LIMA1: variants seen among roughly 807,000 people sequenced by gnomAD.
The protein encoded by LIMA1 is LIM domain and actin binding 1.
Under a neutral mutation model 62.6 loss-of-function variants are expected in LIMA1, and 52 were observed. That is an observed-to-expected ratio of 0.83 (90% CI 0.67 to 1.05). The LOEUF is 1.05. LIMA1 is among the 50% of genes least tolerant of loss of function. LIMA1 has a pLI of 0.00. For synonymous variants in LIMA1, 302 were observed against 317.8 expected (o/e 0.95, Z 0.53); for missense variants, 780 against 902.2 (o/e 0.86, Z 1.74).
intron 4 of LIMA1, among the ~76,000 whole-genome samples, chr12:50,209,441 C>T (rs897335554): frequency 6.6e-6 from 1 of 151,558 alleles, no homozygotes; most frequent in African/African-American, 2.4e-5. Flanking sequence ...TGGCGGTGCG[C>T]ACCTGTAATC....
At chr12:50,260,233 C>T (rs548547107) in intron 1 of LIMA1, among the ~76,000 whole-genome samples, 89 of 151,946 alleles carry the variant, frequency 5.9e-4, no homozygotes, top group African/African-American at 1.5e-3. Context: ...CTGCAACTTC[C>T]GCCTCCTGGG....
intron 9 of LIMA1, chr12:50,188,377 C>T (rs182784830): frequency 1.3e-5 from 2 of 152,240 alleles, no homozygotes; most frequent in African/African-American, 4.8e-5. Context: ...TGTATATTTG[C>T]CTGCAGACTG....
At chr12:50,239,681 T>C (rs1353843764) in intron 2 of LIMA1, among the ~76,000 whole-genome samples, 2 of 151,128 alleles carry the variant, frequency 1.3e-5, no homozygotes, top group Non-Finnish European at 2.9e-5. Context: ...CCCATACATA[T>C]GTAAAATTAT....
intron 1 of LIMA1, among the ~76,000 whole-genome samples, chr12:50,260,428 C>T (rs1294899006): frequency 6.6e-6 from 1 of 152,138 alleles, no homozygotes; most frequent in Admixed American, 6.5e-5. Context: ...GGATTAGAGG[C>T]GTGAGCCACC....
chr12:50,240,520 A>G (rs1941762385), intron 2 of LIMA1, among the ~76,000 whole-genome samples: 1 of 152,164 alleles, frequency 6.6e-6, no homozygotes. Context: ...TATTTCGAGA[A>G]AGAATCAGTA....
At chr12:50,279,378 A>T (rs1942312068) in intron 1 of LIMA1, among the ~76,000 whole-genome samples, 1 of 150,518 alleles carries the variant, frequency 6.6e-6, no homozygotes, top group Non-Finnish European at 1.5e-5. Flanking sequence ...TATAATTTTT[A>T]TTTTTAAATG....
chr12:50,254,043 A>AG (rs1282404771), intron 1 of LIMA1, among the ~76,000 whole-genome samples: 17 of 151,232 alleles, frequency 1.1e-4, no homozygotes, highest in Admixed American at 7.9e-4. Flanking sequence ...AAAAAAAAAA[A>AG]AAAAGAAAGG....
At chr12:50,218,748 A>C (rs1941391851) in intron 4 of LIMA1, among the ~76,000 whole-genome samples, 1 of 152,102 alleles carries the variant, frequency 6.6e-6, no homozygotes, top group Non-Finnish European at 1.5e-5. Context: ...TCCATAAAAA[A>C]TTTTAAAAAT....
chr12:50,274,511 G>A (rs1177549920), intron 1 of LIMA1, among the ~76,000 whole-genome samples: 1 of 151,950 alleles, frequency 6.6e-6, no homozygotes, highest in Non-Finnish European at 1.5e-5. Context: ...GAACCTGGGA[G>A]TTGGAGGTTG....
intron 1 of LIMA1, among the ~76,000 whole-genome samples, chr12:50,258,452 G>A (rs1300551042): frequency 3.3e-5 from 5 of 151,712 alleles, no homozygotes; most frequent in South Asian, 2.1e-4. Context: ...ATGCCACCGC[G>A]CCTGGCTAAT....
chr12:50,204,843 C>T, intron 5 of LIMA1, 143 bp from the exon 6 acceptor site: 1 of 695,930 alleles, frequency 1.4e-6, no homozygotes, highest in Non-Finnish European at 2.4e-6. Flanking sequence ...CCTCAGCCTC[C>T]CAAAGCGCTG....
At chr12:50,249,289 G>C (rs1197915076) in intron 1 of LIMA1, among the ~76,000 whole-genome samples, 1 of 152,082 alleles carries the variant, frequency 6.6e-6, no homozygotes, top group Non-Finnish European at 1.5e-5. Flanking sequence ...ACAGACTTCG[G>C]GGAAATCCTA....
At chr12:50,193,069 T>A (rs1167502802) in intron 8 of LIMA1, among the ~76,000 whole-genome samples, 1 of 152,142 alleles carries the variant, frequency 6.6e-6, no homozygotes, top group Non-Finnish European at 1.5e-5. Context: ...CTATAGCAGA[T>A]ACCAATGGAT....
In LIMA1 at chr12:50,177,006, A is replaced by C. The variant is rs1592484908; in HGVS notation, c.*58T>G. 9 of 1,352,390 alleles carry C rather than the reference A, an allele frequency of 6.7e-6. No individual in the cohort carries two copies. In the East Asian group the frequency reaches 2.2e-4, roughly 34 times the overall value. 83.8% of individuals were successfully genotyped at this position (1,352,390 alleles called of 1,614,324 possible). ...TGCTTATGTGCATCACATTTTGACA[A>C]AGGGCAGTGGCTCGCTAACACTAAC... On this transcript the variant is annotated 3_prime_UTR_variant, in exon 11 of 11. Coordinates refer to ENST00000341247, the MANE Select transcript of LIMA1 (RefSeq NM_016357.5).
At chr12:50,273,080 A>T (rs1942234719) in intron 1 of LIMA1, among the ~76,000 whole-genome samples, 1 of 149,662 alleles carries the variant, frequency 6.7e-6, no homozygotes, top group South Asian at 2.1e-4. Flanking sequence ...GGTTATAAAC[A>T]TTTTTTTTTA....
At chr12:50,185,356 G>A (rs1940607123) in intron 9 of LIMA1, 2 of 456,164 alleles carry the variant, frequency 4.4e-6, no homozygotes, top group African/African-American at 4.0e-5. Flanking sequence ...AGAAGGAAAG[G>A]AGAACCTGTG....
At chr12:50,248,924 A>C (rs913846569) in intron 1 of LIMA1, 150 bp from the exon 2 acceptor site, 11 of 562,046 alleles carry the variant, frequency 2.0e-5, no homozygotes, top group African/African-American at 1.9e-4. Context: ...AAATGATCCA[A>C]TATCTTTGGG....
At chr12:50,191,100 A>C (rs1260582237) in intron 9 of LIMA1, among the ~76,000 whole-genome samples, 2 of 133,232 alleles carry the variant, frequency 1.5e-5, no homozygotes, top group African/African-American at 3.0e-5. Context: ...CAAAGTGAGA[A>C]CCTGTCTCAA....
intron 9 of LIMA1, chr12:50,188,554 G>A (rs777586813): frequency 6.6e-6 from 1 of 152,222 alleles, no homozygotes; most frequent in Middle Eastern, 3.2e-3. Context: ...AACCCGAGGT[G>A]TGTGACTATG....
Sources: allele counts gnomAD v4.1 joint callset (sites outside exome capture counted in the v4.1 genomes callset), GRCh38; gene constraint gnomAD v4.1.1; transcripts MANE v1.5; gene names NCBI Gene and HGNC (gene_info 2026-07-23, HGNC 2026-07-21).